Variants in VPS13B observed in about 807,000 individuals in gnomAD.
VPS13B encodes the protein vacuolar protein sorting 13 homolog B.
A neutral mutation model predicts 426.4 loss-of-function variants in VPS13B; 285 were observed. That is an observed-to-expected ratio of 0.67 (90% confidence interval 0.61 to 0.74). The LOEUF (loss-of-function observed/expected upper bound fraction) is 0.74. Among genes scored for constraint, VPS13B ranks in the 30% least tolerant of loss-of-function variants. VPS13B has a pLI of 0.00. For synonymous variants in VPS13B, 1,676 were observed against 1,676.4 expected (o/e 1.00, Z 0.01); for missense variants, 4,537 against 4,782.6 (o/e 0.95, Z 1.51).
At chr8:99,301,999 C>T (rs1436482666) in intron 19 of VPS13B, among the ~76,000 whole-genome samples, 1 of 152,110 alleles carries the variant, frequency 6.6e-6, no homozygotes, top group Non-Finnish European at 1.5e-5. Flanking sequence ...TTTCACCCTT[C>T]AACTGAAGCA....
At chr8:99,581,101 T>G (rs1826037841) in intron 33 of VPS13B, among the ~76,000 whole-genome samples, 1 of 150,918 alleles carries the variant, frequency 6.6e-6, no homozygotes, top group South Asian at 2.1e-4. Flanking sequence ...GAGGATCACT[T>G]GAACCTGGGA....
At chr8:99,432,082 TATA>T (rs892380864) in intron 22 of VPS13B, among the ~76,000 whole-genome samples, 1 of 152,078 alleles carries the variant, frequency 6.6e-6, no homozygotes, top group Non-Finnish European at 1.5e-5. Flanking sequence ...ATATGAAAAT[TATA>T]ATAGCTATTT....
At chr8:99,448,435 T>G (rs1588390884) in intron 23 of VPS13B, among the ~76,000 whole-genome samples, 1 of 152,148 alleles carries the variant, frequency 6.6e-6, no homozygotes, top group African/African-American at 2.4e-5. Flanking sequence ...AGAAATTAAC[T>G]TCTTATGAAT....
At chr8:99,322,612 A>G (rs566698311) in intron 19 of VPS13B, among the ~76,000 whole-genome samples, 1 of 152,366 alleles carries the variant, frequency 6.6e-6, no homozygotes, top group South Asian at 2.1e-4. Flanking sequence ...GGAGTTTAAC[A>G]TGAATGCAAT....
At chr8:99,138,055 C>A (rs1389503723) in intron 12 of VPS13B, among the ~76,000 whole-genome samples, 1 of 152,158 alleles carries the variant, frequency 6.6e-6, no homozygotes, top group East Asian at 1.9e-4. Context: ...CCATCTGGTC[C>A]ACAGATGATA....
intron 16 of VPS13B, among the ~76,000 whole-genome samples, chr8:99,190,656 A>G (rs945985741): frequency 6.6e-6 from 1 of 152,024 alleles, no homozygotes; most frequent in Non-Finnish European, 1.5e-5. Context: ...CCTTCAAATA[A>G]TGTTATACTG....
intron 56 of VPS13B, among the ~76,000 whole-genome samples, chr8:99,855,432 G>A (rs1239803153): frequency 2.0e-5 from 3 of 152,070 alleles, no homozygotes; most frequent in Non-Finnish European, 2.9e-5. Context: ...GTACGTTATG[G>A]TAATCGGCAT....
At chr8:99,589,902 A>C (rs1826522565) in intron 33 of VPS13B, among the ~76,000 whole-genome samples, 1 of 152,172 alleles carries the variant, frequency 6.6e-6, no homozygotes, top group Non-Finnish European at 1.5e-5. Context: ...GAATAGTTTC[A>C]GAAGGAATGT....
chr8:99,415,207 A>G (rs1270258244), intron 21 of VPS13B, among the ~76,000 whole-genome samples: 2 of 151,168 alleles, frequency 1.3e-5, no homozygotes, highest in African/African-American at 4.9e-5. Context: ...TTGGCTATTG[A>G]CACTTGTGTA....
rs532566001 is a variant in VPS13B at position 99,547,196 on chromosome 8, A to G, written c.4746-9254A>G. Among the ~76,000 whole-genome samples the G allele has an allele frequency of 5.0e-4, 76 of 152,204 alleles. 1 individual carries two copies. Among genetic ancestry groups the G allele is most frequent in the Middle Eastern group, 3.4e-3 (1 of 294 alleles). ...CCAGACCTTCTGAATCATAATGTCT[A>G]AAGATGGGAGCTGAATATTTTGAAC... On this transcript the variant is annotated intron_variant, in intron 30 of 61. Coordinates refer to ENST00000357162, the MANE Select transcript of VPS13B (RefSeq NM_152564.5).
intron 19 of VPS13B, among the ~76,000 whole-genome samples, chr8:99,372,259 A>AC (rs1813232395): frequency 6.6e-6 from 1 of 151,706 alleles, no homozygotes; most frequent in Admixed American, 6.6e-5. Context: ...CAAAAAAAAA[A>AC]AAAAAACAAA....
chr8:99,038,710 T>G, intron 3 of VPS13B, 144 bp downstream of exon 3: 1 of 594,480 alleles, frequency 1.7e-6, no homozygotes, highest in Non-Finnish European at 2.6e-6. Context: ...TTTTTTGAGA[T>G]AGAGTCTTGC....
At chr8:99,873,934 T>G (rs2130984987) in intron 61 of VPS13B, among the ~76,000 whole-genome samples, 1 of 152,352 alleles carries the variant, frequency 6.6e-6, no homozygotes, top group Non-Finnish European at 1.5e-5. Context: ...AAATGACTTT[T>G]CTGGTTTTTA....
At chr8:99,471,760 A>G (rs1019957019) in intron 24 of VPS13B, among the ~76,000 whole-genome samples, 4 of 152,112 alleles carry the variant, frequency 2.6e-5, no homozygotes, top group Non-Finnish European at 5.9e-5. Flanking sequence ...TTTTTTACAT[A>G]TTGTCTATGG....
At chr8:99,772,155 A>T (rs979139750) in intron 40 of VPS13B, among the ~76,000 whole-genome samples, 1 of 150,608 alleles carries the variant, frequency 6.6e-6, no homozygotes, top group Admixed American at 6.6e-5. Flanking sequence ...GGTACTTATG[A>T]GCTCTCTATG....
chr8:99,019,703 A>G (rs1841794630), intron 2 of VPS13B, among the ~76,000 whole-genome samples: 1 of 152,136 alleles, frequency 6.6e-6, no homozygotes, highest in South Asian at 2.1e-4. Flanking sequence ...GAATTTGACT[A>G]TTTTAAGTAC....
Position 99,013,892 on chromosome 8 carries a change from T to C in VPS13B, c.104T>C (p.Val35Ala), listed in dbSNP as rs746723891. The C allele has an allele frequency of 6.2e-7, 1 of 1,613,990 alleles. No homozygotes were observed. The highest frequency in any genetic ancestry group is 8.5e-7 in the Non-Finnish European group (1 of 1,180,008). ...DLQLSLWGGD[V>A]VLSKLELKLD... is the part of the protein sequence containing the mutation. Reference sequence around the variant, plus strand: ...CAGCTTTCACTATGGGGTGGAGACGTGGTACTCAGCAAGCTCGAGTTAAAG... The same window carrying C: ...CAGCTTTCACTATGGGGTGGAGACGCGGTACTCAGCAAGCTCGAGTTAAAG... The change falls in exon 2 of 62, where the codon GTG (valine) becomes GCG (alanine). Residue 35 changes from valine to alanine, a missense_variant. By Grantham distance (64) the Val-to-Ala change is moderately conservative (BLOSUM62 0). Transcript: ENST00000357162.
intron 19 of VPS13B, among the ~76,000 whole-genome samples, chr8:99,368,415 A>G (rs1028655723): frequency 3.3e-5 from 5 of 152,098 alleles, no homozygotes; most frequent in Non-Finnish European, 5.9e-5. Flanking sequence ...AAATGTCCCT[A>G]ATTTCCCAAA....
chr8:99,550,458 T>C (rs1018843459), intron 30 of VPS13B, among the ~76,000 whole-genome samples: 13 of 151,872 alleles, frequency 8.6e-5, no homozygotes, highest in Admixed American at 6.6e-4. Flanking sequence ...TTCCTATTCA[T>C]TTAACTATTT....
Sources: allele counts gnomAD v4.1 joint callset (sites outside exome capture counted in the v4.1 genomes callset), GRCh38; gene constraint gnomAD v4.1.1; transcripts MANE v1.5; gene names NCBI Gene and HGNC (gene_info 2026-07-23, HGNC 2026-07-21).